Variants in SORL1 observed in about 807,000 individuals in gnomAD.
SORL1 encodes the protein sortilin-related receptor.
A neutral mutation model predicts 273.7 loss-of-function variants in SORL1; 127 were observed. That is an observed-to-expected ratio of 0.46 (90% CI 0.40 to 0.54). The LOEUF is 0.54. Among genes scored for constraint, SORL1 ranks in the 20% least tolerant of loss-of-function variants. SORL1 has a pLI of 0.00. For synonymous variants in SORL1, 1,031 were observed against 1,067.4 expected (o/e 0.97, Z 0.66); for missense variants, 2,494 against 2,846.1 (o/e 0.88, Z 2.81).
chr11:121,517,263 G>A (rs751465123), intron 8 of SORL1, among the ~76,000 whole-genome samples: 6 of 152,006 alleles, frequency 3.9e-5, no homozygotes, highest in Admixed American at 6.6e-5. Flanking sequence ...CCTGGCAGCC[G>A]TCAGTCTGAT....
intron 37 of SORL1, 108 bp from the exon 38 acceptor site, chr11:121,607,996 C>A: frequency 1.1e-6 from 1 of 952,224 alleles, no homozygotes; most frequent in Non-Finnish European, 1.6e-6. Context: ...AAAATTTTTC[C>A]AGCCTCACTG....
chr11:121,501,708 G>T lies in SORL1; in HGVS notation c.939+4659G>T, dbSNP rs375745951. ...TTGTGAGACTTATTCATTATCATGAGAACAGCACAGGAAAACCCGCCCCCA... is the reference window on the plus strand; with the variant it reads ...TTGTGAGACTTATTCATTATCATGATAACAGCACAGGAAAACCCGCCCCCA... On this transcript the variant is annotated intron_variant, in intron 6 of 47. Transcript: ENST00000260197. 6.6e-4 allele frequency among the ~76,000 whole-genome samples: 101 copies of T among 152,204 alleles called. 1 individual carries two copies. The highest frequency in any genetic ancestry group is 2.2e-3 in the African/African-American group (92 of 41,518).
At chr11:121,556,019 A>C (rs779998065) in intron 18 of SORL1, among the ~76,000 whole-genome samples, 11 of 152,202 alleles carry the variant, frequency 7.2e-5, no homozygotes, top group Non-Finnish European at 1.6e-4. Context: ...GACGAAAGAC[A>C]CAGACTCGAG....
In SORL1 at chr11:121,611,094, T is replaced by TC; in HGVS notation, c.5260dup (p.His1754ProfsTer3). 1 of 1,613,308 alleles carries TC rather than the reference T, an allele frequency of 6.2e-7. No homozygotes were observed. On this transcript the variant is annotated frameshift_variant, in exon 39 of 48. Transcript: ENST00000260197. LOFTEE classifies it high-confidence loss of function. ...TTTTCAGTGATCCCACCACCAGATA[T>TC]CCACATTGACAGCTATGGTGAAAAT...
chr11:121,452,458 C>T lies in SORL1; in HGVS notation c.127C>T (p.Pro43Ser). ...QRLHGGSAPL[P>S]QDRGFLVVQG... The stretch of plus-strand genomic sequence containing the variant: ...GCTGCACGGCGGCAGCGCGCCCTTG[C>T]CCCAGGACCGGGGCTTCCTCGTGGT... Residue 43 changes from proline to serine, a missense_variant, in exon 1 of 48, where the codon CCC (proline) becomes TCC (serine). Pro to Ser is a moderately conservative substitution (Grantham distance 74). This residue lies in a region of SORL1 where 175 missense variants were observed against 147.1 expected (regional missense o/e 1.19). Transcript: ENST00000260197. The surrounding 1 kb of genome is among the most constrained non-coding windows in gnomAD (Gnocchi z 5.3). 2 of 1,508,754 alleles carry T rather than the reference C, an allele frequency of 1.3e-6. No individual in the cohort carries two copies. The highest frequency in any genetic ancestry group is 1.8e-6 in the Non-Finnish European group (2 of 1,129,880). The allele number at this position is 1,508,754 out of a possible 1,614,324, so 93.5% of individuals were successfully genotyped here. A position where few individuals can be genotyped will look rare whatever the true frequency, so the allele number is the denominator to read the frequency against.
chr11:121,493,153 A>G (rs1861580758), intron 5 of SORL1, among the ~76,000 whole-genome samples: 1 of 151,848 alleles, frequency 6.6e-6, no homozygotes, highest in African/African-American at 2.4e-5. Context: ...TAATTTTTAC[A>G]TTTTTTTGTA....
chr11:121,565,397 A>G (rs1421832162), intron 21 of SORL1, among the ~76,000 whole-genome samples: 1 of 152,232 alleles, frequency 6.6e-6, no homozygotes, highest in Non-Finnish European at 1.5e-5. Context: ...AATGTAAATT[A>G]ACCAATGATG....
chr11:121,557,303 G>T lies in SORL1; in HGVS notation c.2572-11G>T, dbSNP rs1862603174. ...ATCCATCTCAGCCTCTTTTCCCCCTGTTTTTGTCAGGTAGCTAATCCAGAT... is the reference window on the plus strand; with the variant it reads ...ATCCATCTCAGCCTCTTTTCCCCCTTTTTTTGTCAGGTAGCTAATCCAGAT... On this transcript the variant is annotated splice_polypyrimidine_tract_variant and intron_variant, in intron 18 of 47. Transcript: ENST00000260197. 2 of 1,607,648 alleles carry T rather than the reference G, an allele frequency of 1.2e-6. No individual in the cohort carries two copies. Among genetic ancestry groups the T allele is most frequent in the Non-Finnish European group, 1.7e-6 (2 of 1,174,128 alleles).
rs1371042891 is a variant in SORL1, at chr11:121,514,182, C to G, written c.1072C>G (p.Gln358Glu). The change falls in exon 8 of 48, where the codon CAG becomes GAG. Residue 358 changes from glutamine to glutamate, a missense_variant. This residue lies in a region of SORL1 where 710 missense variants were observed against 882.5 expected (regional missense o/e 0.80). Coordinates refer to ENST00000260197, the MANE Select transcript of SORL1 (RefSeq NM_003105.6). ...TTACATCGCAGATGCCTCCGAGGAC[C>G]AGGTGTTTGTGTGTGTCAGCCACAG... ...EYYIADASED[Q>E]VFVCVSHSNN... 1 of 1,613,946 alleles carries G rather than the reference C, an allele frequency of 6.2e-7. No homozygotes were observed. The highest frequency in any genetic ancestry group is 1.7e-5 in the Admixed American group (1 of 59,912).
At chr11:121,594,115 A>ATTTT (rs11361113) in intron 31 of SORL1, among the ~76,000 whole-genome samples, 1 of 147,226 alleles carries the variant, frequency 6.8e-6, no homozygotes. Context: ...TTTGATTCTG[A>ATTTT]TTTTTTTTTT....
At chr11:121,558,286 T>G (rs772441354) in intron 19 of SORL1, among the ~76,000 whole-genome samples, 4 of 152,234 alleles carry the variant, frequency 2.6e-5, no homozygotes, top group Non-Finnish European at 5.9e-5. Flanking sequence ...CAGTATTCTA[T>G]TATATGTACC....
At position 121,520,727 on chromosome 11, in the gene SORL1, C is replaced by G; in HGVS notation, c.1282C>G (p.Leu428Val). The part of the protein sequence containing the change: ...EGLQGVYIAT[L>V]INGSMNEENM... ...ATTGCAAGGAGTCTACATTGCTACT[C>G]TGATTAATGGTTCTATGAATGAGGA... The change falls in exon 9 of 48, where the codon CTG becomes GTG. Residue 428 changes from leucine (L) to valine (V), a missense_variant. Physicochemically the swap from Leu to Val is conservative, Grantham distance 32 (BLOSUM62 1). Transcript: ENST00000260197. The G allele has an allele frequency of 6.2e-7, 1 of 1,611,834 alleles. No homozygotes were observed. Among genetic ancestry groups the G allele is most frequent in the Non-Finnish European group, 8.5e-7 (1 of 1,179,014 alleles).
intron 25 of SORL1, among the ~76,000 whole-genome samples, chr11:121,578,422 C>T (rs953019596): frequency 2.6e-5 from 4 of 152,136 alleles, no homozygotes; most frequent in East Asian, 3.9e-4. Flanking sequence ...CTACACTGCC[C>T]GGCATCTGGC....
intron 6 of SORL1, among the ~76,000 whole-genome samples, 155 bp downstream of exon 6, chr11:121,497,204 G>C (rs538803411): frequency 6.6e-6 from 1 of 152,180 alleles, no homozygotes; most frequent in African/African-American, 2.4e-5. Context: ...CAACATTGAC[G>C]AACATTCCGA....
At chr11:121,566,367 TA>T (rs201001838) in intron 21 of SORL1, among the ~76,000 whole-genome samples, 19 of 151,134 alleles carry the variant, frequency 1.3e-4, no homozygotes, top group African/African-American at 3.6e-4. Flanking sequence ...TTTTTTAAAT[TA>T]AAAAAAAAAA....
At chr11:121,608,019 C>A in intron 37 of SORL1, 85 bp from the exon 38 acceptor site, 1 of 1,219,326 alleles carries the variant, frequency 8.2e-7, no homozygotes, top group Non-Finnish European at 1.2e-6. Flanking sequence ...AAAATCTCAC[C>A]CCTTTAGCTC....
In SORL1 at chr11:121,550,688, T is replaced by G. The variant is rs764592103; in HGVS notation, c.2266+18T>G. 153 of 1,594,724 alleles carry G rather than the reference T, an allele frequency of 9.6e-5. No homozygotes were observed. Among genetic ancestry groups the G allele is most frequent in the Non-Finnish European group, 1.2e-4 (138 of 1,163,074 alleles). ...CCTGGCAGGTAAGAGAGGTGGTTTC[T>G]TCCCTTTCATTTCTTGAGACATGGT... On this transcript the variant is annotated intron_variant, in intron 16 of 47. Transcript: ENST00000260197. The surrounding 1 kb of genome is among the most constrained non-coding windows in gnomAD (Gnocchi z 5.3).
At chr11:121,593,361 A>C (rs959232827) in intron 31 of SORL1, among the ~76,000 whole-genome samples, 3 of 152,220 alleles carry the variant, frequency 2.0e-5, no homozygotes, top group Non-Finnish European at 2.9e-5. Flanking sequence ...ACCATTTGCC[A>C]ATGCTTTCTG....
intron 32 of SORL1, among the ~76,000 whole-genome samples, chr11:121,597,953 T>C (rs1863323832): frequency 6.6e-6 from 1 of 151,982 alleles, no homozygotes; most frequent in Admixed American, 6.6e-5. Context: ...AGGTGGCAGA[T>C]GATGGGCATT....
Sources: allele counts gnomAD v4.1 joint callset (sites outside exome capture counted in the v4.1 genomes callset), GRCh38; gene constraint gnomAD v4.1.1; regional missense constraint gnomAD v4.1.1; non-coding constraint Gnocchi (gnomAD v3.1); transcripts MANE v1.5; gene names NCBI Gene and HGNC (gene_info 2026-07-23, HGNC 2026-07-21).